GPC3: variants seen among roughly 807,000 people sequenced by gnomAD.
GPC3 encodes the protein glypican 3, also known as glypican-3.
Under a neutral mutation model 34.4 loss-of-function variants are expected in GPC3, and 3 were observed. That is an observed-to-expected ratio of 0.09 (90% CI 0.04 to 0.23). The LOEUF (loss-of-function observed/expected upper bound fraction) is 0.23, where lower values mean the gene tolerates loss of function less well. GPC3 is among the 10% of genes least tolerant of loss of function. The pLI is 1.00. For synonymous variants in GPC3, 177 were observed against 174.0 expected (o/e 1.02, Z -0.13); for missense variants, 351 against 445.6 (o/e 0.79, Z 1.91).
At chrX:133,830,110 C>A (rs1403806386) in intron 2 of GPC3, among the ~76,000 whole-genome samples, 1 of 111,592 alleles carries the variant, frequency 9.0e-6, no homozygotes, top group African/African-American at 3.3e-5. Context: ...AATCCTATTG[C>A]ACAATTTTAA....
chrX:133,789,145 C>T lies in GPC3; in HGVS notation c.338-34969G>A, dbSNP rs746210777. On this transcript the variant is annotated intron_variant, in intron 2 of 7. Transcript: ENST00000370818. The stretch of plus-strand genomic sequence containing the variant: ...TAAGTTCTCAAGAGACGGTCATATG[C>T]AACCAGACTACCAAAGTATTCATTT... Among the ~76,000 whole-genome samples, 6 of 111,483 alleles carry T rather than the reference C, an allele frequency of 5.4e-5. No individual in the cohort carries two copies. The East Asian group carries it at 1.1e-3, about 21-fold the overall frequency.
rs747756198 is a variant in GPC3 at position 133,608,825 on chromosome X, A to T, written c.1414-12226T>A. Among the ~76,000 whole-genome samples the T allele has an allele frequency of 8.0e-5, 9 of 112,061 alleles. No individual in the cohort carries two copies. The East Asian group carries it at 2.3e-3, about 28-fold the overall frequency. On this transcript the variant is annotated intron_variant, in intron 6 of 7. Coordinates refer to ENST00000370818, the MANE Select transcript of GPC3 (RefSeq NM_004484.4). Reference sequence around the variant, plus strand: ...GTGAGAGCAGTTTTCCTGTTCTGGTATACTATTTGAAGAATATGAATTTTT... The same window carrying T: ...GTGAGAGCAGTTTTCCTGTTCTGGTTTACTATTTGAAGAATATGAATTTTT...
At chrX:133,927,897 T>C (rs1207056001) in intron 2 of GPC3, among the ~76,000 whole-genome samples, 1 of 108,111 alleles carries the variant, frequency 9.2e-6, no homozygotes, top group Non-Finnish European at 1.9e-5. Flanking sequence ...ATATTTACTA[T>C]AGTGGAACAA....
chrX:133,823,128 CAAAAAAAAAAAAAAAAAAAAAA>C (rs34231185), intron 2 of GPC3, among the ~76,000 whole-genome samples: 10 of 18,868 alleles, frequency 5.3e-4, no homozygotes, highest in Admixed American at 1.1e-3. Flanking sequence ...GACTCCGTCT[CAAAAAAAAAAAAAAAAAAAAAA>C]AAAAAAAAAA....
intron 7 of GPC3, among the ~76,000 whole-genome samples, chrX:133,541,945 C>A (rs995286571): frequency 1.8e-5 from 2 of 111,656 alleles, no homozygotes; most frequent in Non-Finnish European, 3.8e-5. Context: ...AAGTGTTGAA[C>A]TGGATGACCT....
intron 2 of GPC3, among the ~76,000 whole-genome samples, chrX:133,841,989 A>G (rs952767665): frequency 4.5e-5 from 5 of 112,307 alleles, no homozygotes; most frequent in Non-Finnish European, 7.5e-5. Context: ...CAGACAGCCT[A>G]TTGTGGGACC....
chrX:133,860,334 C>G (rs983669303), intron 2 of GPC3, among the ~76,000 whole-genome samples: 7 of 111,046 alleles, frequency 6.3e-5, no homozygotes, highest in African/African-American at 2.3e-4. Context: ...GAAACACTCA[C>G]TGGGCTAAGG....
At chrX:133,599,768 A>T (rs777427077) in intron 6 of GPC3, among the ~76,000 whole-genome samples, 1 of 112,003 alleles carries the variant, frequency 8.9e-6, no homozygotes, top group South Asian at 3.8e-4. Flanking sequence ...AATTTTTCAC[A>T]TAAGTAGAAT....
chrX:133,755,036 T>C (rs912559801), intron 2 of GPC3, among the ~76,000 whole-genome samples: 5 of 111,868 alleles, frequency 4.5e-5, no homozygotes, highest in Non-Finnish European at 9.4e-5. Context: ...AGTAGTAATG[T>C]CACCATCTCA....
At chrX:133,571,426 G>A (rs903288891) in intron 7 of GPC3, among the ~76,000 whole-genome samples, 3 of 110,250 alleles carry the variant, frequency 2.7e-5, no homozygotes, top group East Asian at 2.9e-4. Flanking sequence ...GCAGTGGCGC[G>A]ATCTCGGCTC....
intron 2 of GPC3, among the ~76,000 whole-genome samples, chrX:133,841,362 A>T (rs748691783): frequency 0.027 from 2,818 of 105,876 alleles, 56 homozygotes; most frequent in Non-Finnish European, 0.042. Context: ...GCCCAGCCCT[A>T]AAGTTGTCTA....
In GPC3 at chrX:133,692,544, T is replaced by C. The variant is rs201283483; in HGVS notation, c.1167-50A>G. 629 of 1,104,000 alleles carry C rather than the reference T, an allele frequency of 5.7e-4. 1 individual carries two copies. The highest frequency in any genetic ancestry group is 8.0e-4 in the South Asian group (43 of 53,834). 91.0% of individuals were successfully genotyped at this position (1,104,000 alleles called of 1,213,427 possible). A position where few individuals can be genotyped will look rare whatever the true frequency, so the allele number is the denominator to read the frequency against. On this transcript the variant is annotated intron_variant, in intron 4 of 7. Transcript: ENST00000370818. ...GCATAAGAGGCAAGTAAACTCAGTA[T>C]GAGAAAAGTTTAATTTCCTTATCAG...
At position 133,754,029 on chromosome X, in the gene GPC3, T is replaced by A. The variant is rs780431445; in HGVS notation, c.485A>T (p.Asn162Ile). Residue 162 changes from asparagine to isoleucine, a missense_variant, in exon 3 of 8, where the codon AAT becomes ATT. By Grantham distance (149) the Asn-to-Ile change is moderately radical. Transcript: ENST00000370818. ...VSLYILGSDINVDDMVNELFD... is the reference protein window; with the variant it reads ...VSLYILGSDIIVDDMVNELFD... ...CAATTCATTGACCATGTCATCTACA[T>A]TGATGTCAGAACCCAAGATGTAGAG... 2.5e-6 allele frequency: 3 copies of A among 1,208,604 alleles called. No homozygotes were observed. In the African/African-American group the frequency reaches 5.3e-5, roughly 21 times the overall value.
In GPC3 at chrX:133,817,276, A is replaced by T. The variant is rs1260191927; in HGVS notation, c.338-63100T>A. ...TTTTCTTCTAGCGTGTAGACTTTTGAGGTTGTTCTTAGCCAGCATCCTTGC... is the reference window on the plus strand; with the variant it reads ...TTTTCTTCTAGCGTGTAGACTTTTGTGGTTGTTCTTAGCCAGCATCCTTGC... On this transcript the variant is annotated intron_variant, in intron 2 of 7. Coordinates refer to ENST00000370818, the MANE Select transcript of GPC3 (RefSeq NM_004484.4). Among the ~76,000 whole-genome samples the T allele has an allele frequency of 2.7e-5, 3 of 110,095 alleles. No homozygotes were observed. The Admixed American group carries it at 2.9e-4, about 11-fold the overall frequency.
chrX:133,583,986 T>G (rs1311463168), intron 7 of GPC3, among the ~76,000 whole-genome samples: 1 of 111,851 alleles, frequency 8.9e-6, no homozygotes, highest in Non-Finnish European at 1.9e-5. Flanking sequence ...CTTCTCAAGA[T>G]GCACAGGAGG....
At chrX:133,846,377 G>A (rs767968270) in intron 2 of GPC3, among the ~76,000 whole-genome samples, 1 of 111,881 alleles carries the variant, frequency 8.9e-6, no homozygotes, top group East Asian at 2.8e-4. Flanking sequence ...GGGAGCTGCT[G>A]AAGACTTCTT....
chrX:133,949,024 T>C (rs918482070), intron 2 of GPC3, among the ~76,000 whole-genome samples: 12 of 112,037 alleles, frequency 1.1e-4, no homozygotes, highest in African/African-American at 3.9e-4. Context: ...TATTTCTACT[T>C]TACAAAAGTA....
rs146213885 is a variant in GPC3, at chrX:133,886,849, T to C, written c.337+66201A>G. 5.2e-4 allele frequency among the ~76,000 whole-genome samples: 59 copies of C among 112,985 alleles called. 1 individual carries two copies. The highest frequency in any genetic ancestry group is 1.8e-3 in the African/African-American group (56 of 31,212). ...CATTTTCTTAATCTATTAAATCTGCTGATGGATATTTAGGTCGATTCCATA... is the reference window on the plus strand; with the variant it reads ...CATTTTCTTAATCTATTAAATCTGCCGATGGATATTTAGGTCGATTCCATA... On this transcript the variant is annotated intron_variant, in intron 2 of 7. Transcript: ENST00000370818.
At chrX:133,948,421 A>G (rs2124632248) in intron 2 of GPC3, among the ~76,000 whole-genome samples, 1 of 110,862 alleles carries the variant, frequency 9.0e-6, no homozygotes, top group South Asian at 3.9e-4. Flanking sequence ...GAAGAAGCAC[A>G]GAAACGCTGC....
Sources: gnomAD v4.1 joint callset for allele counts (sites outside exome capture counted in the v4.1 genomes callset) on GRCh38, gnomAD v4.1.1 for gene constraint, MANE v1.5 for transcripts, NCBI Gene and HGNC (gene_info 2026-07-23, HGNC 2026-07-21) for gene names.